Variants in BMAL2 observed in about 807,000 individuals in gnomAD.
BMAL2 encodes basic helix-loop-helix ARNT-like protein 2.
chr12:27,368,763 T>A, the BMAL2 span, among the ~76,000 whole-genome samples: 3 of 152,216 alleles, frequency 2.0e-5, no homozygotes, highest in Admixed American at 2.0e-4. Context: ...AATGACTACT[T>A]CTCACCTTAC....
the BMAL2 span, among the ~76,000 whole-genome samples, chr12:27,364,871 TTAGA>T: frequency 1.4e-4 from 21 of 152,306 alleles, 1 homozygote; most frequent in South Asian, 4.1e-3. Flanking sequence ...GATTTATTCT[TTAGA>T]TACTCTGTAT....
the BMAL2 span, among the ~76,000 whole-genome samples, chr12:27,341,166 G>A: frequency 5.3e-5 from 6 of 113,566 alleles, no homozygotes; most frequent in African/African-American, 1.5e-4. Flanking sequence ...GGTAAGACAG[G>A]ACATCCTTGT....
chr12:27,373,429 G>T, the BMAL2 span, among the ~76,000 whole-genome samples: 2 of 152,194 alleles, frequency 1.3e-5, no homozygotes, highest in Non-Finnish European at 2.9e-5. Flanking sequence ...GGAGCTCAGG[G>T]TAGAGGCCTG....
At chr12:27,388,826 T>G in the BMAL2 span, among the ~76,000 whole-genome samples, 3 of 152,214 alleles carry the variant, frequency 2.0e-5, no homozygotes, top group Admixed American at 6.5e-5. Flanking sequence ...ATTTCTATAT[T>G]ATACTATGAT....
chr12:27,357,320 G>A, the BMAL2 span, among the ~76,000 whole-genome samples: 17 of 152,092 alleles, frequency 1.1e-4, no homozygotes, highest in Admixed American at 5.2e-4. Flanking sequence ...GGAGATAAAA[G>A]ACCTCTACAA....
chr12:27,387,133 A>G, the BMAL2 span: 26 of 807,244 alleles, frequency 3.2e-5, no homozygotes, highest in South Asian at 3.7e-4. Flanking sequence ...TTATTGCCAC[A>G]GTAATTTCCT....
the BMAL2 span, among the ~76,000 whole-genome samples, chr12:27,364,463 C>A: frequency 6.6e-6 from 1 of 152,112 alleles, no homozygotes; most frequent in Non-Finnish European, 1.5e-5. Flanking sequence ...TCTTTTACCA[C>A]CTTTGATATT....
the BMAL2 span, among the ~76,000 whole-genome samples, chr12:27,368,694 C>T: frequency 6.6e-6 from 1 of 152,078 alleles, no homozygotes; most frequent in African/African-American, 2.4e-5. Context: ...TACTTGCCTT[C>T]CTTATTGAAA....
the BMAL2 span, among the ~76,000 whole-genome samples, chr12:27,415,595 A>G: frequency 6.6e-5 from 10 of 152,274 alleles, no homozygotes; most frequent in South Asian, 2.1e-4. Context: ...GTGTTATTCT[A>G]TTAACACATG....
chr12:27,381,329 G>A, the BMAL2 span, among the ~76,000 whole-genome samples: 2 of 152,166 alleles, frequency 1.3e-5, no homozygotes, highest in Non-Finnish European at 2.9e-5. Flanking sequence ...CTGAGACTGG[G>A]TAATTTATAA....
the BMAL2 span, among the ~76,000 whole-genome samples, chr12:27,391,132 T>A: frequency 6.6e-6 from 1 of 152,156 alleles, no homozygotes; most frequent in Non-Finnish European, 1.5e-5. Flanking sequence ...CATGGGTATA[T>A]TGCACTAAGG....
chr12:27,352,974 A>T, the BMAL2 span, among the ~76,000 whole-genome samples: 1 of 152,224 alleles, frequency 6.6e-6, no homozygotes, highest in African/African-American at 2.4e-5. Flanking sequence ...GGATAGGAAG[A>T]ATCAATATTG....
At chr12:27,358,771 A>G in the BMAL2 span, among the ~76,000 whole-genome samples, 1 of 152,174 alleles carries the variant, frequency 6.6e-6, no homozygotes, top group Non-Finnish European at 1.5e-5. Context: ...ATACAGGATT[A>G]TAAACTTCTC....
the BMAL2 span, among the ~76,000 whole-genome samples, chr12:27,359,443 C>T: frequency 6.4e-4 from 98 of 152,270 alleles, no homozygotes; most frequent in African/African-American, 2.4e-3. Context: ...ATTCCCAGCA[C>T]TTTGGGAGGC....
the BMAL2 span, among the ~76,000 whole-genome samples, chr12:27,353,928 C>T: frequency 6.6e-6 from 1 of 151,886 alleles, no homozygotes; most frequent in African/African-American, 2.4e-5. Flanking sequence ...CAGATGTTGG[C>T]AAGGTTGTGG....
At chr12:27,367,331 G>A in the BMAL2 span, among the ~76,000 whole-genome samples, 2 of 152,174 alleles carry the variant, frequency 1.3e-5, no homozygotes, top group East Asian at 3.8e-4. Context: ...CTGCTACTCA[G>A]AACCGTGTGC....
the BMAL2 span, among the ~76,000 whole-genome samples, chr12:27,369,847 A>G: frequency 6.6e-6 from 1 of 152,184 alleles, no homozygotes; most frequent in Admixed American, 6.5e-5. Flanking sequence ...TACTGACAGT[A>G]TGGCATTTTT....
At chr12:27,357,688 G>A in the BMAL2 span, among the ~76,000 whole-genome samples, 467 of 152,272 alleles carry the variant, frequency 3.1e-3, no homozygotes, top group African/African-American at 0.011. Context: ...CGAAGGAACA[G>A]AATAGAGAAC....
chr12:27,353,935 G>A, the BMAL2 span, among the ~76,000 whole-genome samples: 1 of 152,200 alleles, frequency 6.6e-6, no homozygotes, highest in African/African-American at 2.4e-5. Context: ...TGGCAAGGTT[G>A]TGGAGAAAAG....
Sources: allele counts gnomAD v4.1 joint callset (sites outside exome capture counted in the v4.1 genomes callset), GRCh38; gene constraint gnomAD v4.1.1; transcripts MANE v1.5; gene names NCBI Gene and HGNC (gene_info 2026-07-23, HGNC 2026-07-21).